The following SULT1E1 variants were observed in gnomAD, a reference collection of about 807,000 sequenced individuals.
SULT1E1 encodes the protein sulfotransferase family 1E member 1, also known as sulfotransferase 1E1.
A neutral mutation model predicts 33.6 loss-of-function variants in SULT1E1; 36 were observed. That is an observed-to-expected ratio of 1.07 (90% CI 0.82 to 1.41). The LOEUF is 1.41. Among genes scored for constraint, SULT1E1 ranks in the 40% most tolerant of loss-of-function variants. The pLI is 0.00. For missense variants in SULT1E1, 371 were observed against 345.7 expected (o/e 1.07, Z -0.58); for synonymous variants, 121 against 111.7 (o/e 1.08, Z -0.53).
chr4:69,844,277 A>G lies in SULT1E1; in HGVS notation c.656T>C (p.Val219Ala). Residue 219 changes from valine (V) to alanine (A), a missense_variant, in exon 7 of 8, where the codon GTG becomes GCG. Transcript: ENST00000226444. ...FLERKPSEEL[V>A]DRIIHHTSFQ... is the part of the protein sequence containing the mutation. ...CGAAGTATGATGTATAATCCTGTCC[A>G]CAAGCTCCTCTGATGGCTTCCTTTC... The G allele has an allele frequency of 6.2e-7, 1 of 1,613,944 alleles. No homozygotes were observed. The highest frequency in any genetic ancestry group is 1.1e-5 in the South Asian group (1 of 91,064).
At chr4:69,842,342 T>C (rs1015903083) in intron 7 of SULT1E1, among the ~76,000 whole-genome samples, 2 of 152,170 alleles carry the variant, frequency 1.3e-5, no homozygotes, top group African/African-American at 4.8e-5. Flanking sequence ...TCTTATGCCA[T>C]TTACTTTATT....
the SULT1E1 span, among the ~76,000 whole-genome samples, chr4:69,834,807 C>T: frequency 5.9e-5 from 9 of 152,058 alleles, no homozygotes; most frequent in Non-Finnish European, 8.8e-5. Context: ...ATAAAATTTA[C>T]GTAAATTTCC....
At chr4:69,823,593 C>G in the SULT1E1 span, among the ~76,000 whole-genome samples, 3 of 152,122 alleles carry the variant, frequency 2.0e-5, no homozygotes, top group African/African-American at 4.8e-5. Context: ...GTGGCCCATA[C>G]GGTGTCTAAG....
At chr4:69,847,823 T>A (rs760883539) in intron 5 of SULT1E1, 31 bp from the exon 6 acceptor site, 2 of 1,444,348 alleles carry the variant, frequency 1.4e-6, no homozygotes, top group Non-Finnish European at 1.9e-6. Flanking sequence ...AGTGTAAAAG[T>A]GGTATCATCT....
At chr4:69,855,530 C>T in intron 2 of SULT1E1, 104 bp from the exon 3 acceptor site, 2 of 1,181,398 alleles carry the variant, frequency 1.7e-6, no homozygotes, top group South Asian at 1.9e-5. Flanking sequence ...CAATGCAATA[C>T]TATTTAAAGG....
chr4:69,835,234 C>T, the SULT1E1 span, among the ~76,000 whole-genome samples: 696 of 152,238 alleles, frequency 4.6e-3, 19 homozygotes, highest in Admixed American at 0.039. Flanking sequence ...TATTTGGGTA[C>T]GTATCCTTTA....
the SULT1E1 span, among the ~76,000 whole-genome samples, chr4:69,827,369 T>C: frequency 6.6e-6 from 1 of 152,146 alleles, no homozygotes; most frequent in Non-Finnish European, 1.5e-5. Flanking sequence ...GGATCCCCAC[T>C]GGGACCTCGA....
chr4:69,828,401 C>G, the SULT1E1 span, among the ~76,000 whole-genome samples: 1 of 152,180 alleles, frequency 6.6e-6, no homozygotes, highest in Non-Finnish European at 1.5e-5. Context: ...ATGAACCCAC[C>G]AGGAGGAACA....
At chr4:69,825,703 G>A in the SULT1E1 span, among the ~76,000 whole-genome samples, 7,117 of 152,122 alleles carry the variant, frequency 0.047, 556 homozygotes, top group African/African-American at 0.16. Context: ...ATTCAGCTCC[G>A]GGGTCCCGAC....
At chr4:69,857,715 T>C in intron 1 of SULT1E1, 62 bp from the exon 2 acceptor site, 1 of 1,485,354 alleles carries the variant, frequency 6.7e-7, no homozygotes, top group Non-Finnish European at 9.0e-7. Context: ...CATTAACAAC[T>C]ATGTATATAA....
intron 7 of SULT1E1, among the ~76,000 whole-genome samples, chr4:69,843,115 T>G (rs1043598076): frequency 2.0e-5 from 3 of 152,002 alleles, no homozygotes; most frequent in African/African-American, 7.2e-5. Context: ...GGATTACAGG[T>G]GTGAGCCACC....
chr4:69,857,630 A>G lies in SULT1E1; in HGVS notation c.15T>C (p.Leu5=), dbSNP rs1721271187. 1.2e-6 allele frequency: 2 copies of G among 1,602,896 alleles called. No homozygotes were observed. Among genetic ancestry groups the G allele is most frequent in the African/African-American group, 1.3e-5 (1 of 74,296 alleles). Residue 5 remains leucine, a synonymous_variant, in exon 2 of 8, where the codon CTT becomes CTC. Transcript: ENST00000226444. The part of the protein sequence containing the change: MNSE[L]DYYEKFEEVH... The stretch of plus-strand genomic sequence containing the variant: ...CTTCTTCAAACTTTTCATAATAGTC[A>G]AGTTCAGAATTCATTGTGGTACACT...
the SULT1E1 span, among the ~76,000 whole-genome samples, chr4:69,830,809 T>G: frequency 6.6e-6 from 1 of 152,308 alleles, no homozygotes; most frequent in South Asian, 2.1e-4. Flanking sequence ...ATGGACTGCA[T>G]CAAGTCTATA....
the SULT1E1 span, among the ~76,000 whole-genome samples, chr4:69,835,818 C>T: frequency 2.0e-5 from 3 of 151,992 alleles, no homozygotes; most frequent in Admixed American, 6.6e-5. Flanking sequence ...TTTGTAGAGA[C>T]TGGGTTGTTT....
intron 2 of SULT1E1, among the ~76,000 whole-genome samples, chr4:69,856,552 A>G (rs1247542107): frequency 6.6e-6 from 1 of 152,228 alleles, no homozygotes; most frequent in Non-Finnish European, 1.5e-5. Context: ...AATCTAGAAT[A>G]GCTCACGGGT....
intron 1 of SULT1E1, 63 bp from the exon 2 acceptor site, chr4:69,857,716 ATG>A: frequency 6.7e-7 from 1 of 1,483,084 alleles, no homozygotes; most frequent in Non-Finnish European, 9.0e-7. Context: ...ATTAACAACT[ATG>A]TATATAACGG....
chr4:69,855,457 G>C (rs1369357908), intron 2 of SULT1E1, 31 bp from the exon 3 acceptor site: 3 of 1,594,016 alleles, frequency 1.9e-6, no homozygotes, highest in African/African-American at 2.7e-5. Flanking sequence ...TGAGTCTCCT[G>C]CTGACCCTGT....
chr4:69,854,387 T>C, intron 3 of SULT1E1, 73 bp from the exon 4 acceptor site: 2 of 899,776 alleles, frequency 2.2e-6, no homozygotes, highest in South Asian at 3.6e-5. Context: ...TATAGATATT[T>C]GTAAAATAGA....
the SULT1E1 span, among the ~76,000 whole-genome samples, chr4:69,826,511 G>A: frequency 1.3e-5 from 2 of 152,070 alleles, no homozygotes; most frequent in Non-Finnish European, 2.9e-5. Context: ...GACTGTTGCG[G>A]GTTCTTGGGC....
Sources: gnomAD v4.1 joint callset for allele counts (sites outside exome capture counted in the v4.1 genomes callset) on GRCh38, gnomAD v4.1.1 for gene constraint, MANE v1.5 for transcripts, NCBI Gene and HGNC (gene_info 2026-07-23, HGNC 2026-07-21) for gene names.